Variants in MACROD2 observed in about 807,000 individuals in gnomAD.
The protein encoded by MACROD2 is ADP-ribose glycohydrolase MACROD2.
In MACROD2, 36 loss-of-function variants were observed where a neutral mutation model predicts 70.4. That is an observed-to-expected ratio of 0.51 (90% confidence interval 0.39 to 0.68). The LOEUF (loss-of-function observed/expected upper bound fraction) is 0.68. MACROD2 is among the 30% of genes least tolerant of loss of function. The probability of loss-of-function intolerance (pLI) is 0.00; values close to 1 mark genes in which losing one functional copy is unlikely to be tolerated. For missense variants in MACROD2, 496 were observed against 538.4 expected, an observed-to-expected ratio of 0.92 and a Z score of 0.78; for synonymous variants, 172 against 178.8, an observed-to-expected ratio of 0.96 and a Z score of 0.30.
intron 6 of MACROD2, among the ~76,000 whole-genome samples, chr20:15,424,649 C>A (rs554263008): frequency 2.0e-4 from 30 of 152,212 alleles, no homozygotes; most frequent in African/African-American, 7.0e-4. Flanking sequence ...GAGCACAGGA[C>A]TTTGAGGCTG....
intron 3 of MACROD2, among the ~76,000 whole-genome samples, chr20:14,122,640 C>T (rs545292877): frequency 1.7e-4 from 26 of 152,156 alleles, no homozygotes; most frequent in African/African-American, 5.8e-4. Flanking sequence ...GGTGTCAGAA[C>T]GAATATTTGA....
At chr20:15,480,199 G>A (rs886798113) in intron 7 of MACROD2, among the ~76,000 whole-genome samples, 2 of 152,290 alleles carry the variant, frequency 1.3e-5, no homozygotes, top group East Asian at 3.9e-4. Flanking sequence ...GTACAGAAAT[G>A]TTGGCCCAAC....
intron 5 of MACROD2, among the ~76,000 whole-genome samples, chr20:15,167,286 C>A (rs921452603): frequency 6.6e-6 from 1 of 152,184 alleles, no homozygotes; most frequent in African/African-American, 2.4e-5. Flanking sequence ...CTACTTACTT[C>A]TCTTAATAGT....
chr20:14,180,727 G>A (rs892351728), intron 3 of MACROD2, among the ~76,000 whole-genome samples: 4 of 151,992 alleles, frequency 2.6e-5, no homozygotes, highest in East Asian at 3.9e-4. Context: ...ATATATGAGT[G>A]TAGTGATCAG....
At chr20:15,491,077 T>C (rs1223935185) in intron 7 of MACROD2, among the ~76,000 whole-genome samples, 2 of 152,222 alleles carry the variant, frequency 1.3e-5, no homozygotes, top group African/African-American at 2.4e-5. Flanking sequence ...GAGTGACTTA[T>C]ACATAATAAT....
intron 5 of MACROD2, among the ~76,000 whole-genome samples, chr20:15,022,210 AACATTGGTT>A (rs1393610517): frequency 6.6e-6 from 1 of 152,150 alleles, no homozygotes; most frequent in Admixed American, 6.5e-5. Context: ...TGCTGTATAC[AACATTGGTT>A]GTATCCCTAT....
intron 8 of MACROD2, among the ~76,000 whole-genome samples, chr20:15,810,275 T>C (rs1448097080): frequency 6.6e-6 from 1 of 151,746 alleles, no homozygotes; most frequent in Non-Finnish European, 1.5e-5. Context: ...TGTTGGACAT[T>C]TGGGTTGGTT....
At chr20:15,116,422 C>A (rs1679005323) in intron 5 of MACROD2, among the ~76,000 whole-genome samples, 1 of 152,188 alleles carries the variant, frequency 6.6e-6, no homozygotes, top group Non-Finnish European at 1.5e-5. Context: ...GCAGGTGGAT[C>A]ACTTGAGGTT....
chr20:14,519,389 G>A (rs1285087293), intron 4 of MACROD2, among the ~76,000 whole-genome samples: 1 of 151,980 alleles, frequency 6.6e-6, no homozygotes, highest in Non-Finnish European at 1.5e-5. Flanking sequence ...CCATGAAATT[G>A]CACAAACTAG....
chr20:14,853,930 C>A (rs2073226157), intron 5 of MACROD2, among the ~76,000 whole-genome samples: 1 of 152,102 alleles, frequency 6.6e-6, no homozygotes, highest in Non-Finnish European at 1.5e-5. Flanking sequence ...ATGGACCCTA[C>A]TTACTCCAAG....
At chr20:15,126,528 C>A (rs969751241) in intron 5 of MACROD2, among the ~76,000 whole-genome samples, 1 of 152,014 alleles carries the variant, frequency 6.6e-6, no homozygotes, top group African/African-American at 2.4e-5. Flanking sequence ...TTGCAGCTTA[C>A]AGTAGTTCAC....
At chr20:14,592,390 A>G (rs1320873748) in intron 4 of MACROD2, among the ~76,000 whole-genome samples, 1 of 152,136 alleles carries the variant, frequency 6.6e-6, no homozygotes, top group East Asian at 1.9e-4. Flanking sequence ...CATTATTGCA[A>G]AGAGGAAATG....
intron 3 of MACROD2, among the ~76,000 whole-genome samples, chr20:14,099,060 A>T (rs200926265): frequency 6.6e-6 from 1 of 152,140 alleles, no homozygotes; most frequent in Admixed American, 6.5e-5. Context: ...CAGGTGGTTC[A>T]CGAGGTCAGG....
At chr20:14,938,698 C>G (rs985464351) in intron 5 of MACROD2, among the ~76,000 whole-genome samples, 26 of 151,968 alleles carry the variant, frequency 1.7e-4, no homozygotes, top group Non-Finnish European at 3.2e-4. Context: ...GGAGGATCAC[C>G]TGAGCCCAAG....
intron 3 of MACROD2, among the ~76,000 whole-genome samples, chr20:14,403,691 C>G (rs1359904307): frequency 1.3e-5 from 2 of 152,058 alleles, no homozygotes; most frequent in African/African-American, 4.8e-5. Context: ...GAGCCAAATA[C>G]CTGGGTTGTC....
intron 3 of MACROD2, among the ~76,000 whole-genome samples, chr20:14,488,610 C>A (rs1471512509): frequency 6.6e-6 from 1 of 152,130 alleles, no homozygotes; most frequent in Admixed American, 6.6e-5. Flanking sequence ...CACAGAGACA[C>A]ATACATATAT....
chr20:14,340,305 C>T (rs2083000013), intron 3 of MACROD2, among the ~76,000 whole-genome samples: 1 of 152,142 alleles, frequency 6.6e-6, no homozygotes. Context: ...GTTGGCTTTG[C>T]CACATGACTG....
At chr20:15,803,035 A>G (rs963588900) in intron 8 of MACROD2, among the ~76,000 whole-genome samples, 2 of 152,118 alleles carry the variant, frequency 1.3e-5, no homozygotes, top group African/African-American at 4.8e-5. Context: ...TTCCCAATAA[A>G]GAAAAGCCCA....
intron 4 of MACROD2, among the ~76,000 whole-genome samples, chr20:14,555,841 G>A (rs953268893): frequency 2.6e-5 from 4 of 152,042 alleles, no homozygotes; most frequent in African/African-American, 4.8e-5. Flanking sequence ...TCTGGGATGA[G>A]TATGTGGTGA....
Sources: allele counts gnomAD v4.1 joint callset (sites outside exome capture counted in the v4.1 genomes callset), GRCh38; gene constraint gnomAD v4.1.1; transcripts MANE v1.5; gene names NCBI Gene and HGNC (gene_info 2026-07-23, HGNC 2026-07-21).